The following CA5A variants were observed in gnomAD, a reference collection of about 807,000 sequenced individuals.
The protein encoded by CA5A is carbonic anhydrase 5A.
CA5A carries 28 observed loss-of-function variants against 37.1 expected under a neutral mutation model. That is an observed-to-expected ratio of 0.75 (90% confidence interval 0.56 to 1.03). The LOEUF (loss-of-function observed/expected upper bound fraction) is 1.03. Among genes scored for constraint, CA5A ranks in the 50% least tolerant of loss-of-function variants. The pLI is 0.00. For synonymous variants in CA5A, 171 were observed against 158.4 expected, an observed-to-expected ratio of 1.08 and a Z score of -0.60; for missense variants, 444 against 399.9, an observed-to-expected ratio of 1.11 and a Z score of -0.94.
At chr16:87,926,709 G>A (rs369044977) in intron 2 of CA5A, 39 bp downstream of exon 2, 67 of 1,527,246 alleles carry the variant, frequency 4.4e-5, no homozygotes, top group Non-Finnish European at 5.1e-5. Context: ...CCAGAACAAC[G>A]GGAGAGGACA....
chr16:87,889,334 A>G (rs2055681256), intron 6 of CA5A, among the ~76,000 whole-genome samples: 1 of 152,072 alleles, frequency 6.6e-6, no homozygotes. Flanking sequence ...GATTACAGGC[A>G]TGAGCTACTG....
chr16:87,890,370 C>T (rs1205451255), intron 6 of CA5A, among the ~76,000 whole-genome samples: 2 of 152,130 alleles, frequency 1.3e-5, no homozygotes, highest in East Asian at 1.9e-4. Flanking sequence ...AAGCCTTCCC[C>T]GTTTGTATAT....
rs547918689 is a variant in CA5A, at chr16:87,891,853, G to A, written c.720C>T (p.Thr240=). Residue 240 remains threonine, a synonymous_variant, in exon 6 of 7, where the codon ACC becomes ACT. Coordinates refer to ENST00000649794, the MANE Select transcript of CA5A (RefSeq NM_001739.2). Reference sequence around the variant, plus strand: ...TCTGGATGATCCAGGTGACCGACTCGGTCAGCGGCGGGGTGGTGAGCGAGC... The same window carrying A: ...TCTGGATGATCCAGGTGACCGACTCAGTCAGCGGCGGGGTGGTGAGCGAGC... ...YAGSLTTPPL[T]ESVTWIIQKE... is the part of the protein sequence containing the mutation. 1.6e-5 allele frequency: 25 copies of A among 1,579,514 alleles called. No homozygotes were observed. The highest frequency in any genetic ancestry group is 4.8e-5 in the East Asian group (2 of 41,784).
chr16:87,893,239 T>C, intron 5 of CA5A: 2 of 412,524 alleles, frequency 4.8e-6, no homozygotes, highest in Non-Finnish European at 4.4e-6. Context: ...GCGATCCTCC[T>C]GCCTCAGCCT....
At chr16:87,894,388 C>G (rs2143915041) in intron 5 of CA5A, among the ~76,000 whole-genome samples, 1 of 152,174 alleles carries the variant, frequency 6.6e-6, no homozygotes, top group Non-Finnish European at 1.5e-5. Flanking sequence ...TTGCTGGGCC[C>G]TGGCCTTCCA....
chr16:87,927,727 G>A (rs2056331889), intron 1 of CA5A, among the ~76,000 whole-genome samples: 1 of 152,024 alleles, frequency 6.6e-6, no homozygotes, highest in Non-Finnish European at 1.5e-5. Context: ...TGGGTGTGGT[G>A]GCGGGCGCCT....
chr16:87,931,465 G>A (rs1218903314), intron 1 of CA5A, among the ~76,000 whole-genome samples: 1 of 152,222 alleles, frequency 6.6e-6, no homozygotes, highest in African/African-American at 2.4e-5. Context: ...AGACACATCT[G>A]TGGGCCAAAA....
At chr16:87,886,437 G>A (rs1010610835), downstream of CA5A, 17 of 152,152 alleles carry the variant, frequency 1.1e-4, no homozygotes, top group African/African-American at 3.9e-4. Context: ...TTATTTTTTA[G>A]GAGCTTTATT....
In CA5A at chr16:87,895,958, C is replaced by G. The variant is rs183194456; in HGVS notation, c.619-4004G>C. ...ACTGCTTGTGCATGTGGGTAACAGGCGGGTGTGCAGTGAGACATCAGTCTG... is the reference window on the plus strand; with the variant it reads ...ACTGCTTGTGCATGTGGGTAACAGGGGGGTGTGCAGTGAGACATCAGTCTG... On this transcript the variant is annotated intron_variant, in intron 5 of 6. Coordinates refer to ENST00000649794, the MANE Select transcript of CA5A (RefSeq NM_001739.2). 6.6e-5 allele frequency among the ~76,000 whole-genome samples: 10 copies of G among 152,158 alleles called. No individual in the cohort carries two copies. The South Asian group carries it at 2.1e-3, about 32-fold the overall frequency.
intron 2 of CA5A, chr16:87,923,485 G>C (rs1362183271): frequency 1.1e-6 from 1 of 940,850 alleles, no homozygotes; most frequent in South Asian, 4.9e-5. Context: ...AGCTCGCCCA[G>C]CCTGGCAGTG....
At chr16:87,913,015 C>T (rs1396959914) in intron 2 of CA5A, among the ~76,000 whole-genome samples, 4 of 151,552 alleles carry the variant, frequency 2.6e-5, no homozygotes, top group East Asian at 1.9e-4. Flanking sequence ...GACAGAGTCT[C>T]GCTCTGTCAC....
intron 2 of CA5A, among the ~76,000 whole-genome samples, chr16:87,921,074 T>C (rs1270153342): frequency 6.6e-6 from 1 of 152,192 alleles, no homozygotes; most frequent in African/African-American, 2.4e-5. Context: ...ATTACAGGCG[T>C]GAGCCACTGC....
intron 2 of CA5A, among the ~76,000 whole-genome samples, chr16:87,909,133 T>A (rs952281729): frequency 1.3e-5 from 2 of 151,954 alleles, no homozygotes; most frequent in African/African-American, 4.8e-5. Flanking sequence ...GCCCAGCCTC[T>A]CACAGAATTC....
chr16:87,884,997 C>T (rs1396446225), downstream of CA5A: 2 of 152,272 alleles, frequency 1.3e-5, no homozygotes, highest in African/African-American at 4.8e-5. Context: ...AACCCCGTCT[C>T]TACTAAAAAT....
intron 1 of CA5A, among the ~76,000 whole-genome samples, chr16:87,935,920 C>T (rs1044872559): frequency 3.9e-5 from 6 of 151,972 alleles, no homozygotes; most frequent in Admixed American, 3.9e-4. Flanking sequence ...TGCCTGCAAT[C>T]CCAGCACTTT....
At chr16:87,934,456 T>C (rs1189581522) in intron 1 of CA5A, among the ~76,000 whole-genome samples, 1 of 152,204 alleles carries the variant, frequency 6.6e-6, no homozygotes, top group African/African-American at 2.4e-5. Context: ...TAATTCCAGC[T>C]ACTCGGGAGG....
intron 2 of CA5A, among the ~76,000 whole-genome samples, chr16:87,922,905 C>T (rs1321116101): frequency 6.6e-6 from 1 of 152,256 alleles, no homozygotes; most frequent in African/African-American, 2.4e-5. Context: ...CCGAGGAGTT[C>T]CCCAAGCCTT....
rs749171226 is a variant in CA5A, at chr16:87,891,948, G to T, written c.625C>A (p.Arg209=). ...ILPEIKHKDA[R]AAMRPFDPST... ...GGGTCGAAGGGGCGCATGGCCGCCC[G>T]CGCGTCCTGAGAGACCGAGAAGCAC... The change falls in exon 6 of 7, where the codon CGG becomes AGG. Residue 209 remains arginine (R), a synonymous_variant. Coordinates refer to ENST00000649794, the MANE Select transcript of CA5A (RefSeq NM_001739.2). 6.5e-7 allele frequency: 1 copy of T among 1,538,284 alleles called. No individual in the cohort carries two copies. The highest frequency in any genetic ancestry group is 1.2e-5 in the South Asian group (1 of 81,910).
chr16:87,923,517 C>A (rs2056259223), intron 2 of CA5A: 1 of 983,742 alleles, frequency 1.0e-6, no homozygotes, highest in Non-Finnish European at 1.2e-6. Flanking sequence ...GGTCTGTCCA[C>A]ATACCTTCCT....
Sources: gnomAD v4.1 joint callset for allele counts (sites outside exome capture counted in the v4.1 genomes callset) on GRCh38, gnomAD v4.1.1 for gene constraint, MANE v1.5 for transcripts, NCBI Gene and HGNC (gene_info 2026-07-23, HGNC 2026-07-21) for gene names.